ALDH16A1: variants seen among roughly 807,000 people sequenced by gnomAD.
ALDH16A1 encodes the protein aldehyde dehydrogenase family 16 member A1.
In ALDH16A1, 88 loss-of-function variants were observed where a neutral mutation model predicts 96.1. The observed-to-expected ratio is 0.92, with a 90% confidence interval of 0.77 to 1.09. The LOEUF is 1.09. ALDH16A1 is among the 50% of genes least tolerant of loss of function. ALDH16A1 has a pLI of 0.00. For missense variants in ALDH16A1, 1,250 were observed against 1,112.6 expected, an observed-to-expected ratio of 1.12 and a Z score of -1.76; for synonymous variants, 522 against 496.4, an observed-to-expected ratio of 1.05 and a Z score of -0.69.
intron 10 of ALDH16A1, 72 bp downstream of exon 10, chr19:49,464,335 G>A (rs888777884): frequency 8.3e-6 from 13 of 1,571,592 alleles, no homozygotes; most frequent in East Asian, 4.6e-5. Flanking sequence ...TCCCTGGGTC[G>A]CTCCCCGCGC....
In ALDH16A1 at chr19:49,470,629, G is replaced by A; in HGVS notation, c.*162G>A. On this transcript the variant is annotated 3_prime_UTR_variant, in exon 17 of 17. Transcript: ENST00000293350. ...AGAAGAAAGGGTGTAGCAACTTCTG[G>A]CAGATATGAGGCTTTTTTCTTTTTT... is the stretch of plus-strand genomic sequence containing the variant. 1.5e-6 allele frequency: 1 copy of A among 652,140 alleles called. No individual in the cohort carries two copies. Among genetic ancestry groups the A allele is most frequent in the Non-Finnish European group, 2.2e-6 (1 of 444,958 alleles). 40.4% of individuals were successfully genotyped at this position (652,140 alleles called of 1,614,324 possible).
chr19:49,464,935 C>T (rs1247467105), intron 12 of ALDH16A1, among the ~76,000 whole-genome samples, 173 bp downstream of exon 12: 1 of 152,274 alleles, frequency 6.6e-6, no homozygotes, highest in East Asian at 1.9e-4. Flanking sequence ...CCGAGACTCT[C>T]AGCTCTGCCC....
Position 49,462,023 on chromosome 19 carries a change from C to G in ALDH16A1, c.899C>G (p.Ser300Cys). 6.5e-7 allele frequency: 1 copy of G among 1,541,714 alleles called. No individual in the cohort carries two copies. The highest frequency in any genetic ancestry group is 2.4e-5 in the East Asian group (1 of 41,064). ...GAGGGTGTCGTGGACGCCGCCTGGT[C>G]CGACCGCGGCCCGGTGAGACCCGTG... is the stretch of plus-strand genomic sequence containing the variant. ...AVEGVVDAAW[S>C]DRGPGGLRLL... Residue 300 changes from serine (S) to cysteine (C), a missense_variant, in exon 7 of 17, where the codon TCC becomes TGC. Physicochemically the swap from Ser to Cys is moderately radical, Grantham distance 112. Coordinates refer to ENST00000293350, the MANE Select transcript of ALDH16A1 (RefSeq NM_153329.4).
At chr19:49,456,581 G>C (rs542798040) in intron 1 of ALDH16A1, among the ~76,000 whole-genome samples, 7 of 152,172 alleles carry the variant, frequency 4.6e-5, no homozygotes, top group African/African-American at 1.4e-4. Flanking sequence ...TAGAGATGGG[G>C]TCTTGCTGTG....
At chr19:49,463,774 A>T in intron 8 of ALDH16A1, 80 bp from the exon 9 acceptor site, 1 of 1,322,168 alleles carries the variant, frequency 7.6e-7, no homozygotes. Context: ...GGTCTGAGGG[A>T]GGAGGGGCTG....
At position 49,462,592 on chromosome 19, in the gene ALDH16A1, A is replaced by G; in HGVS notation, c.935A>G (p.Gln312Arg). The change falls in exon 8 of 17, where the codon CAG (glutamine) becomes CGG (arginine). Residue 312 changes from glutamine (Q) to arginine (R), a missense_variant. Transcript: ENST00000293350. Reference sequence around the variant, plus strand: ...CAGGGTGGCCTCAGGCTCCTCATCCAGGAGTCTGTGTGGGATGAAGCCATG... The same window carrying G: ...CAGGGTGGCCTCAGGCTCCTCATCCGGGAGTCTGTGTGGGATGAAGCCATG... ...RGPGGLRLLIQESVWDEAMRR... is the reference protein window; with the variant it reads ...RGPGGLRLLIRESVWDEAMRR... 6.2e-7 allele frequency: 1 copy of G among 1,612,956 alleles called. No individual in the cohort carries two copies. Among genetic ancestry groups the G allele is most frequent in the African/African-American group, 1.3e-5 (1 of 74,970 alleles).
Position 49,461,691 on chromosome 19 carries a change from T to G in ALDH16A1, c.650T>G (p.Leu217Arg). ...CTCCTGGCCCAGCTGGCGGGGGAGC[T>G]GGGCCCCTTCCCGGGAATCCTGAAT... Reference protein sequence around the residue: ...PLLLAQLAGELGPFPGILNVL... With the variant: ...PLLLAQLAGERGPFPGILNVL... The change falls in exon 6 of 17, where the codon CTG (leucine) becomes CGG (arginine). Residue 217 changes from leucine to arginine, a missense_variant. Leu to Arg is a moderately radical substitution (Grantham distance 102). Transcript: ENST00000293350. 1 of 1,608,236 alleles carries G rather than the reference T, an allele frequency of 6.2e-7. No homozygotes were observed. Among genetic ancestry groups the G allele is most frequent in the East Asian group, 2.2e-5 (1 of 44,628 alleles).
chr19:49,470,552 G>C lies in ALDH16A1; in HGVS notation c.*85G>C. ...AGACACCTGGGACTTTCCCCTTCTG[G>C]TTCCTGTGTCTCCCAATAAACTCTC... is the stretch of plus-strand genomic sequence containing the variant. On this transcript the variant is annotated 3_prime_UTR_variant, in exon 17 of 17. Transcript: ENST00000293350. 7.2e-7 allele frequency: 1 copy of C among 1,388,396 alleles called. No individual in the cohort carries two copies. The highest frequency in any genetic ancestry group is 9.4e-7 in the Non-Finnish European group (1 of 1,063,454). 86.0% of individuals were successfully genotyped at this position (1,388,396 alleles called of 1,614,324 possible). A position where few individuals can be genotyped will look rare whatever the true frequency, so the allele number is the denominator to read the frequency against.
intron 4 of ALDH16A1, among the ~76,000 whole-genome samples, 186 bp from the exon 5 acceptor site, chr19:49,460,636 A>G (rs564008564): frequency 6.6e-6 from 1 of 150,702 alleles, no homozygotes; most frequent in South Asian, 2.1e-4. Context: ...CTGGTCTCGA[A>G]CTTCCCACCT....
Position 49,458,494 on chromosome 19 carries a change from G to A in ALDH16A1, c.99G>A (p.Leu33=). Reference sequence around the variant, plus strand: ...GTCTCTACCTCCCCCAGGCCTGGCTGGACACCCAGGACCGGTGCTTGGGCC... The same window carrying A: ...GTCTCTACCTCCCCCAGGCCTGGCTAGACACCCAGGACCGGTGCTTGGGCC... ...PESHACALAW[L]DTQDRCLGHY... is the part of the protein sequence containing the mutation. Residue 33 remains leucine, a synonymous_variant, in exon 2 of 17, where the codon CTG becomes CTA. Transcript: ENST00000293350. 3 of 1,561,152 alleles carry A rather than the reference G, an allele frequency of 1.9e-6. No homozygotes were observed. Among genetic ancestry groups the A allele is most frequent in the South Asian group, 2.4e-5 (2 of 84,968 alleles).
chr19:49,458,818 G>C, intron 2 of ALDH16A1, 142 bp from the exon 3 acceptor site: 4 of 1,259,786 alleles, frequency 3.2e-6, no homozygotes, highest in Non-Finnish European at 3.4e-6. Flanking sequence ...CCTTGCCCTG[G>C]AGGTGATCAT....
Position 49,459,802 on chromosome 19 carries a change from C to G in ALDH16A1, c.453C>G (p.Ile151Met). The G allele has an allele frequency of 2.5e-6, 4 of 1,613,568 alleles. No individual in the cohort carries two copies. The highest frequency in any genetic ancestry group is 3.4e-6 in the Non-Finnish European group (4 of 1,179,902). ...LAQQLLHYHA[I>M]QASTQEEALA... Reference sequence around the variant, plus strand: ...AGCAGCTGCTCCACTACCATGCAATCCAGGCATCCACCCAGGAGGAGGCAC... The same window carrying G: ...AGCAGCTGCTCCACTACCATGCAATGCAGGCATCCACCCAGGAGGAGGCAC... Residue 151 changes from isoleucine to methionine, a missense_variant, in exon 4 of 17, where the codon ATC (isoleucine) becomes ATG (methionine). Ile to Met is a conservative substitution (Grantham distance 10). Coordinates refer to ENST00000293350, the MANE Select transcript of ALDH16A1 (RefSeq NM_153329.4). The surrounding 1 kb of genome is among the most constrained non-coding windows in gnomAD (Gnocchi z 4.1).
intron 2 of ALDH16A1, 80 bp downstream of exon 2, chr19:49,458,668 G>C: frequency 1.4e-6 from 2 of 1,438,506 alleles, no homozygotes; most frequent in Non-Finnish European, 1.9e-6. Context: ...CATTCCCCTT[G>C]CCTAGGGCCC....
Position 49,464,757 on chromosome 19 carries a change from G to A in ALDH16A1, c.1563G>A (p.Gly521=), listed in dbSNP as rs199956596. 23 of 1,613,996 alleles carry A rather than the reference G, an allele frequency of 1.4e-5. No individual in the cohort carries two copies. In the African/African-American group the frequency reaches 2.3e-4, roughly 16 times the overall value. Reference sequence around the variant, plus strand: ...CCCTGCCGGCTGGGCCTGAAATAGGGCCCAGGTGAGTCGTTGGGGGCCAGT... The same window carrying A: ...CCCTGCCGGCTGGGCCTGAAATAGGACCCAGGTGAGTCGTTGGGGGCCAGT... ...PSTLPAGPEI[G]PSPAPPYGLF... The change falls in exon 12 of 17, where the codon GGG becomes GGA. Residue 521 remains glycine (G), a synonymous_variant. Transcript: ENST00000293350.
chr19:49,464,399 C>A lies in ALDH16A1; in HGVS notation c.1332-18C>A, dbSNP rs374982664. ...ACCGTCTGTTTTCCTCTGTTGGACA[C>A]CTTCATCTTCCCCACAGGCTCCAGG... is the stretch of plus-strand genomic sequence containing the variant. On this transcript the variant is annotated intron_variant, in intron 10 of 16. Coordinates refer to ENST00000293350, the MANE Select transcript of ALDH16A1 (RefSeq NM_153329.4). The A allele has an allele frequency of 1.3e-6, 2 of 1,586,772 alleles. No individual in the cohort carries two copies. The highest frequency in any genetic ancestry group is 1.8e-5 in the Admixed American group (1 of 54,802).
Position 49,461,764 on chromosome 19 carries a change from T to C in ALDH16A1, c.723T>C (p.Pro241=), listed in dbSNP as rs765790439. Residue 241 remains proline (P), a synonymous_variant, in exon 6 of 17, where the codon CCT becomes CCC. Coordinates refer to ENST00000293350, the MANE Select transcript of ALDH16A1 (RefSeq NM_153329.4). ...TGGTGCCCATCCTGGCCTCCCAGCC[T>C]GGAATCCGGAAGGTGGCCTTCTGCG... The part of the protein sequence containing the change: ...ASLVPILASQ[P]GIRKVAFCGA... 8 of 1,610,938 alleles carry C rather than the reference T, an allele frequency of 5.0e-6. No homozygotes were observed. The highest frequency in any genetic ancestry group is 5.9e-6 in the Non-Finnish European group (7 of 1,178,760).
In ALDH16A1 at chr19:49,468,755, TCTC is replaced by T. The variant is rs2079220860; in HGVS notation, c.2125-104_2125-102del. Reference sequence around the variant, plus strand: ...ATTCTTCACCCTAGGCCTGGGGCTTTCTCCTCCATGACCCCCCATCCCCTTCCC... The same window carrying T: ...ATTCTTCACCCTAGGCCTGGGGCTTTCTCCATGACCCCCCATCCCCTTCCC... On this transcript the variant is annotated intron_variant, in intron 15 of 16. Transcript: ENST00000293350. This position sits in a 1 kb window ranked among gnomAD's most constrained non-coding sequence, Gnocchi z 4.4. 1 of 1,421,964 alleles carries T rather than the reference TCTC, an allele frequency of 7.0e-7. No homozygotes were observed. The highest frequency in any genetic ancestry group is 9.6e-7 in the Non-Finnish European group (1 of 1,041,682). 88.1% of individuals were successfully genotyped at this position (1,421,964 alleles called of 1,614,324 possible).
chr19:49,453,880 C>T (rs931419753), intron 1 of ALDH16A1, among the ~76,000 whole-genome samples: 12 of 152,042 alleles, frequency 7.9e-5, no homozygotes, highest in African/African-American at 2.9e-4. Context: ...TCCCTTCATC[C>T]CTTTGATTAC....
chr19:49,458,564 G>T lies in ALDH16A1; in HGVS notation c.169G>T (p.Val57Leu), dbSNP rs146534001. The T allele has an allele frequency of 1.9e-6, 3 of 1,562,488 alleles. No individual in the cohort carries two copies. The highest frequency in any genetic ancestry group is 3.8e-5 in the Admixed American group (2 of 52,782). Residue 57 changes from valine to leucine, a missense_variant, in exon 2 of 17, where the codon GTG becomes TTG. By Grantham distance (32) the Val-to-Leu change is conservative. Coordinates refer to ENST00000293350, the MANE Select transcript of ALDH16A1 (RefSeq NM_153329.4). ...KWLKPEHRNS[V>L]PCQDPITGEN... Reference sequence around the variant, plus strand: ...GTTAAAGCCTGAACACAGAAATTCAGTGCCTTGCCAGGATCCCATCACAGG... The same window carrying T: ...GTTAAAGCCTGAACACAGAAATTCATTGCCTTGCCAGGATCCCATCACAGG...
Sources: gnomAD v4.1 joint callset for allele counts (sites outside exome capture counted in the v4.1 genomes callset) on GRCh38, gnomAD v4.1.1 for gene constraint, Gnocchi (gnomAD v3.1) non-coding constraint, MANE v1.5 for transcripts, NCBI Gene and HGNC (gene_info 2026-07-23, HGNC 2026-07-21) for gene names.